The following NCAPG variants were observed in gnomAD, a reference collection of about 807,000 sequenced individuals.
NCAPG encodes the protein condensin complex subunit 3.
Under a neutral mutation model 113.1 loss-of-function variants are expected in NCAPG, and 69 were observed. The ratio of observed to expected loss-of-function variants is 0.61; its 90% CI spans 0.50 to 0.75. The LOEUF (loss-of-function observed/expected upper bound fraction) is 0.75, where lower values mean the gene tolerates loss of function less well. NCAPG is among the 30% of genes least tolerant of loss of function. The probability of loss-of-function intolerance (pLI) is 0.00; values close to 1 mark genes in which losing one functional copy is unlikely to be tolerated. For synonymous variants in NCAPG, 370 were observed against 415.8 expected, an observed-to-expected ratio of 0.89 and a Z score of 1.34; for missense variants, 1,058 against 1,177.0, an observed-to-expected ratio of 0.90 and a Z score of 1.48.
chr4:17,844,586 A>AATAG lies in NCAPG; in HGVS notation c.*1164_*1167dup, dbSNP rs1218696462. ...TGGTAATGATAGAAAGTCAGTTAAA[A>AATAG]ATAGATGATTGTTCTTCATTCTGTT... is the stretch of plus-strand genomic sequence containing the variant. On this transcript the variant is annotated 3_prime_UTR_variant, in exon 21 of 21. Transcript: ENST00000251496. 1 of 152,366 alleles carries AATAG rather than the reference A, an allele frequency of 6.6e-6. No individual in the cohort carries two copies. Among genetic ancestry groups the AATAG allele is most frequent in the African/African-American group, 2.4e-5 (1 of 41,424 alleles). 9.4% of individuals were successfully genotyped at this position (152,366 alleles called of 1,614,324 possible). A position where few individuals can be genotyped will look rare whatever the true frequency, so the allele number is the denominator to read the frequency against.
intron 2 of NCAPG, among the ~76,000 whole-genome samples, 164 bp downstream of exon 2, chr4:17,812,588 A>C (rs1307250072): frequency 6.6e-6 from 1 of 152,210 alleles, no homozygotes; most frequent in Non-Finnish European, 1.5e-5. Flanking sequence ...TTATGATTAA[A>C]AAGTGGACTT....
chr4:17,832,004 C>T (rs1721886102), intron 13 of NCAPG, among the ~76,000 whole-genome samples: 1 of 152,140 alleles, frequency 6.6e-6, no homozygotes, highest in South Asian at 2.1e-4. Flanking sequence ...CTGAACTCCT[C>T]AGCTTTGCTT....
At chr4:17,828,097 G>A (rs1038284228) in intron 11 of NCAPG, among the ~76,000 whole-genome samples, 181 bp from the exon 12 acceptor site, 3 of 152,014 alleles carry the variant, frequency 2.0e-5, no homozygotes, top group African/African-American at 7.2e-5. Flanking sequence ...CGTTGCGCCT[G>A]GCTGAAGTTG....
intron 1 of NCAPG, 134 bp from the exon 2 acceptor site, chr4:17,812,087 A>G (rs548812880): frequency 1.4e-6 from 1 of 705,402 alleles, no homozygotes; most frequent in Admixed American, 3.2e-5. Context: ...GGTTTGGATA[A>G]TTAAGAGTTT....
chr4:17,832,201 T>C (rs1338960779), intron 13 of NCAPG, among the ~76,000 whole-genome samples: 1 of 152,162 alleles, frequency 6.6e-6, no homozygotes, highest in East Asian at 1.9e-4. Context: ...TTGAATGGAT[T>C]TGAGCTGTTT....
At chr4:17,820,550 C>T (rs1211744151) in intron 7 of NCAPG, among the ~76,000 whole-genome samples, 5 of 151,828 alleles carry the variant, frequency 3.3e-5, no homozygotes, top group East Asian at 1.9e-4. Context: ...TGCAATGAGC[C>T]GAGATCGCGC....
In NCAPG at chr4:17,837,267, C is replaced by T; in HGVS notation, c.2218C>T (p.Pro740Ser). The T allele has an allele frequency of 6.2e-7, 1 of 1,613,952 alleles. No homozygotes were observed. The highest frequency in any genetic ancestry group is 8.5e-7 in the Non-Finnish European group (1 of 1,179,930). ...TCGTCTTATTTTGTTATGGTACAAT[C>T]CTGTGACTGAAGAGGATGTTCAACT... ...LSRLILLWYN[P>S]VTEEDVQLRH... is the part of the protein sequence containing the mutation. The change falls in exon 15 of 21, where the codon CCT becomes TCT. Residue 740 changes from proline to serine, a missense_variant. Pro to Ser is a moderately conservative substitution (Grantham distance 74). Coordinates refer to ENST00000251496, the MANE Select transcript of NCAPG (RefSeq NM_022346.5).
chr4:17,827,697 T>C (rs191864990), intron 11 of NCAPG, among the ~76,000 whole-genome samples: 3 of 151,616 alleles, frequency 2.0e-5, no homozygotes, highest in African/African-American at 4.8e-5. Flanking sequence ...AGCAGTTATA[T>C]ATATGAATCT....
chr4:17,825,124 T>C (rs1462011280), intron 10 of NCAPG, 67 bp downstream of exon 10: 7 of 1,180,264 alleles, frequency 5.9e-6, no homozygotes, highest in African/African-American at 1.5e-5. Context: ...TTCTTTCCTC[T>C]TGCTGTGCAG....
intron 9 of NCAPG, among the ~76,000 whole-genome samples, 178 bp from the exon 10 acceptor site, chr4:17,824,787 ATTG>A (rs1319408147): frequency 2.0e-5 from 3 of 151,634 alleles, no homozygotes; most frequent in Non-Finnish European, 4.4e-5. Flanking sequence ...AGTCAGATAT[ATTG>A]TTTTGTTTTG....
Position 17,825,562 on chromosome 4 carries a change from G to A in NCAPG, c.1653+1G>A, listed in dbSNP as rs1721629607. 6.3e-7 allele frequency: 1 copy of A among 1,578,104 alleles called. No individual in the cohort carries two copies. The highest frequency in any genetic ancestry group is 2.3e-5 in the East Asian group (1 of 44,294). On this transcript the variant is annotated splice_donor_variant, in intron 11 of 20. Coordinates refer to ENST00000251496, the MANE Select transcript of NCAPG (RefSeq NM_022346.5). LOFTEE classifies it high-confidence loss of function. ...AATTAAAGAAGTCCACATAGAGAAG[G>A]TACAGGTAACTTTTTTCATACTAAA... is the stretch of plus-strand genomic sequence containing the variant.
At position 17,823,143 on chromosome 4, in the gene NCAPG, C is replaced by T. The variant is rs773465629; in HGVS notation, c.1259+20C>T. ...AGGAAGGTATGTCTAAATGTTAACACTCATTCTAATTTGCCCTTCTAATTT... is the reference window on the plus strand; with the variant it reads ...AGGAAGGTATGTCTAAATGTTAACATTCATTCTAATTTGCCCTTCTAATTT... On this transcript the variant is annotated intron_variant, in intron 8 of 20. Transcript: ENST00000251496. 5 of 1,594,198 alleles carry T rather than the reference C, an allele frequency of 3.1e-6. No homozygotes were observed.
intron 19 of NCAPG, chr4:17,841,185 T>C (rs1053623870): frequency 6.6e-6 from 1 of 151,878 alleles, no homozygotes; most frequent in Non-Finnish European, 1.5e-5. Context: ...TGGAAAAAAA[T>C]CTGAAATTCA....
At position 17,834,425 on chromosome 4, in the gene NCAPG, G is replaced by C. The variant is rs1379903859; in HGVS notation, c.2011G>C (p.Glu671Gln). 3.1e-6 allele frequency: 5 copies of C among 1,611,792 alleles called. No homozygotes were observed. Among genetic ancestry groups the C allele is most frequent in the Non-Finnish European group, 4.2e-6 (5 of 1,178,876 alleles). The change falls in exon 14 of 21, where the codon GAA (glutamate) becomes CAA (glutamine). Residue 671 changes from glutamate to glutamine, a missense_variant. Physicochemically the swap from Glu to Gln is conservative, Grantham distance 29. Transcript: ENST00000251496. The stretch of plus-strand genomic sequence containing the variant: ...CAAAACACTTCATTGTGAAGGTACA[G>C]AAATAAACAGTGATGATGAGCAAGA... Reference protein sequence around the residue: ...KIKTLHCEGTEINSDDEQESK... With the variant: ...KIKTLHCEGTQINSDDEQESK...
rs1234060315 is a variant in NCAPG at position 17,834,396 on chromosome 4, A to G, written c.1982A>G (p.Lys661Arg). ...TFGIEPFKTK[K>R]IKTLHCEGTE... is the part of the protein sequence containing the mutation. ...GGGATTGAACCATTTAAAACTAAAA[A>G]AATCAAAACACTTCATTGTGAAGGT... The change falls in exon 14 of 21, where the codon AAA becomes AGA. Residue 661 changes from lysine to arginine, a missense_variant. Physicochemically the swap from Lys to Arg is conservative, Grantham distance 26 (BLOSUM62 2). Transcript: ENST00000251496. 6.2e-7 allele frequency: 1 copy of G among 1,611,614 alleles called. No homozygotes were observed. The highest frequency in any genetic ancestry group is 8.5e-7 in the Non-Finnish European group (1 of 1,178,684).
intron 4 of NCAPG, 89 bp from the exon 5 acceptor site, chr4:17,815,185 T>G: frequency 7.6e-6 from 10 of 1,309,556 alleles, no homozygotes; most frequent in Non-Finnish European, 1.1e-5. Flanking sequence ...CTTTTGGAGA[T>G]TCTGGGTAAT....
At position 17,837,190 on chromosome 4, in the gene NCAPG, G is replaced by C; in HGVS notation, c.2141G>C (p.Gly714Ala). Reference sequence around the variant, plus strand: ...GAACTTAGGACTGGAGCTGCAGAAGGACTAGCCAAGCTGATGTTCTCTGGG... The same window carrying C: ...GAACTTAGGACTGGAGCTGCAGAAGCACTAGCCAAGCTGATGTTCTCTGGG... ...VSELRTGAAE[G>A]LAKLMFSGLL... is the part of the protein sequence containing the mutation. Residue 714 changes from glycine (G) to alanine (A), a missense_variant, in exon 15 of 21, where the codon GGA (glycine) becomes GCA (alanine). Coordinates refer to ENST00000251496, the MANE Select transcript of NCAPG (RefSeq NM_022346.5). The C allele has an allele frequency of 1.2e-6, 2 of 1,613,888 alleles. No individual in the cohort carries two copies. Among genetic ancestry groups the C allele is most frequent in the South Asian group, 2.2e-5 (2 of 91,052 alleles).
intron 18 of NCAPG, 66 bp downstream of exon 18, chr4:17,840,275 TA>T: frequency 7.0e-7 from 1 of 1,431,590 alleles, no homozygotes; most frequent in Non-Finnish European, 9.2e-7. Context: ...TACTGAGACA[TA>T]TTTTTTTCTA....
chr4:17,834,431 AACAGTG>A lies in NCAPG; in HGVS notation c.2019_2024del (p.Ser674_Asp675del). 1 of 1,612,126 alleles carries A rather than the reference AACAGTG, an allele frequency of 6.2e-7. No individual in the cohort carries two copies. The highest frequency in any genetic ancestry group is 1.1e-5 in the South Asian group (1 of 90,840). On this transcript the variant is annotated inframe_deletion, in exon 14 of 21. Transcript: ENST00000251496. ...ACTTCATTGTGAAGGTACAGAAATA[AACAGTG>A]ATGATGAGCAAGAATCAAAAGAAGT...
Sources: allele counts gnomAD v4.1 joint callset (sites outside exome capture counted in the v4.1 genomes callset), GRCh38; gene constraint gnomAD v4.1.1; transcripts MANE v1.5; gene names NCBI Gene and HGNC (gene_info 2026-07-23, HGNC 2026-07-21).